The following ME2 variants were observed in gnomAD, a reference collection of about 807,000 sequenced individuals.
ME2 encodes the protein malic enzyme 2.
In ME2, 60 loss-of-function variants were observed where a neutral mutation model predicts 73.7. The ratio of observed to expected loss-of-function variants is 0.81; its 90% CI spans 0.66 to 1.01. ME2 has a LOEUF of 1.01. ME2 is among the 50% of genes least tolerant of loss of function. The pLI is 0.00. For synonymous variants in ME2, 199 were observed against 236.9 expected (o/e 0.84, Z 1.47); for missense variants, 594 against 705.5 (o/e 0.84, Z 1.79).
chr18:50,880,207 C>A (rs1220415920), intron 1 of ME2, among the ~76,000 whole-genome samples: 1 of 152,018 alleles, frequency 6.6e-6, no homozygotes, highest in South Asian at 2.1e-4. Context: ...TCAAAATAAC[C>A]CTTTGAGGTT....
At chr18:50,901,892 C>A (rs1916900929) in intron 2 of ME2, among the ~76,000 whole-genome samples, 1 of 152,174 alleles carries the variant, frequency 6.6e-6, no homozygotes, top group African/African-American at 2.4e-5. Flanking sequence ...CCTAGTAATT[C>A]TCAAGTAACT....
At position 50,940,391 on chromosome 18, in the gene ME2, GTAAT is replaced by G. The variant is rs1180905941; in HGVS notation, c.1587+6_1587+9del. 6.6e-7 allele frequency: 1 copy of G among 1,506,778 alleles called. No homozygotes were observed. 93.3% of individuals were successfully genotyped at this position (1,506,778 alleles called of 1,614,324 possible). Reference sequence around the variant, plus strand: ...TCTATTAACATTGCTATTAAAGTAAGTAATAACTTAAACTTCTTCACATTAATTT... The same window carrying G: ...TCTATTAACATTGCTATTAAAGTAAGAACTTAAACTTCTTCACATTAATTT... On this transcript the variant is annotated splice_donor_region_variant and intron_variant, in intron 15 of 15. Transcript: ENST00000321341.
chr18:50,929,939 T>C (rs796287474), intron 12 of ME2, among the ~76,000 whole-genome samples: 3 of 152,308 alleles, frequency 2.0e-5, no homozygotes, highest in African/African-American at 7.2e-5. Flanking sequence ...GTTTTTTGTA[T>C]AAATATTATT....
At chr18:50,927,898 T>C (rs1917598762) in intron 12 of ME2, among the ~76,000 whole-genome samples, 1 of 143,052 alleles carries the variant, frequency 7.0e-6, no homozygotes, top group Non-Finnish European at 1.5e-5. Context: ...CACTGCAGAC[T>C]CCAATTCCTG....
At chr18:50,930,796 T>C (rs955751400) in intron 12 of ME2, among the ~76,000 whole-genome samples, 1 of 152,226 alleles carries the variant, frequency 6.6e-6, no homozygotes, top group Non-Finnish European at 1.5e-5. Flanking sequence ...TGTATGACAT[T>C]AACCATGAAC....
chr18:50,884,284 C>T (rs1330071595), intron 1 of ME2, among the ~76,000 whole-genome samples: 1 of 152,030 alleles, frequency 6.6e-6, no homozygotes. Flanking sequence ...TTAATCATCA[C>T]AGTTTTCTAT....
At chr18:50,897,651 G>T (rs1462955361) in intron 2 of ME2, among the ~76,000 whole-genome samples, 1 of 151,286 alleles carries the variant, frequency 6.6e-6, no homozygotes, top group Non-Finnish European at 1.5e-5. Context: ...ACCTGAGGTT[G>T]GGAGTTCGAG....
intron 2 of ME2, among the ~76,000 whole-genome samples, chr18:50,897,043 G>T (rs1037081244): frequency 6.6e-6 from 1 of 152,172 alleles, no homozygotes; most frequent in African/African-American, 2.4e-5. Flanking sequence ...CCATGGACTG[G>T]AGTAATTACT....
At position 50,908,111 on chromosome 18, in the gene ME2, C is replaced by G; in HGVS notation, c.157C>G (p.Leu53Val). ...ACGACAAATGCTTGGTCTTCAAGGA[C>G]TTCTACCTCCCAAAATAGAGACACA... ...QERQMLGLQG[L>V]LPPKIETQDI... Residue 53 changes from leucine (L) to valine (V), a missense_variant, in exon 3 of 16, where the codon CTT becomes GTT. Transcript: ENST00000321341. 1.9e-6 allele frequency: 3 copies of G among 1,601,190 alleles called. No individual in the cohort carries two copies. Among genetic ancestry groups the G allele is most frequent in the Non-Finnish European group, 2.6e-6 (3 of 1,172,508 alleles).
chr18:50,896,940 C>A (rs955597786), intron 2 of ME2, among the ~76,000 whole-genome samples: 6 of 152,310 alleles, frequency 3.9e-5, no homozygotes, highest in African/African-American at 1.4e-4. Context: ...TTCTGATCTT[C>A]TCTTGTTTGT....
intron 12 of ME2, among the ~76,000 whole-genome samples, chr18:50,927,718 A>G (rs1483770075): frequency 1.1e-5 from 1 of 87,596 alleles, no homozygotes; most frequent in Non-Finnish European, 2.2e-5. Context: ...AACCCCAAAA[A>G]ACCATATATA....
chr18:50,927,751 T>TATATATATATATATATAC (rs1316314513), intron 12 of ME2, among the ~76,000 whole-genome samples: 11 of 123,284 alleles, frequency 8.9e-5, no homozygotes, highest in East Asian at 4.7e-4. Flanking sequence ...TATATATATA[T>TATATATATATATATATAC]ACACACCACA....
intron 3 of ME2, 102 bp from the exon 4 acceptor site, chr18:50,912,699 G>A: frequency 4.1e-6 from 4 of 972,248 alleles, no homozygotes; most frequent in Non-Finnish European, 5.6e-6. Context: ...GTGAGAATGG[G>A]GCTCAATTTC....
intron 11 of ME2, among the ~76,000 whole-genome samples, 193 bp from the exon 12 acceptor site, chr18:50,925,563 G>A (rs1917531770): frequency 6.6e-6 from 1 of 152,152 alleles, no homozygotes; most frequent in African/African-American, 2.4e-5. Flanking sequence ...AGAACTTTCA[G>A]CATCTTACTG....
chr18:50,907,475 T>C (rs1400561348), intron 2 of ME2, among the ~76,000 whole-genome samples: 1 of 152,260 alleles, frequency 6.6e-6, no homozygotes, highest in Non-Finnish European at 1.5e-5. Context: ...TCCAAAGGCC[T>C]TGCTCCAGCA....
rs188567897 is a variant in ME2, at chr18:50,911,463, C to T, written c.243-1338C>T. ...GATCATTTCTAACTTATGGTATTGT[C>T]TAGACTGGAGGAAGCCAGAAAGTCA... On this transcript the variant is annotated intron_variant, in intron 3 of 15. Coordinates refer to ENST00000321341, the MANE Select transcript of ME2 (RefSeq NM_002396.5). Among the ~76,000 whole-genome samples, 43 of 152,182 alleles carry T rather than the reference C, an allele frequency of 2.8e-4. 1 individual carries two copies. The highest frequency in any genetic ancestry group is 9.2e-4 in the African/African-American group (38 of 41,520).
chr18:50,898,680 G>A (rs1423370246), intron 2 of ME2, among the ~76,000 whole-genome samples: 1 of 152,100 alleles, frequency 6.6e-6, no homozygotes. Context: ...TGATCCGCCT[G>A]CCTTGGCCTC....
chr18:50,895,745 C>T, intron 1 of ME2, 64 bp from the exon 2 acceptor site: 1 of 983,574 alleles, frequency 1.0e-6, no homozygotes, highest in East Asian at 2.5e-5. Context: ...AAACTGATAC[C>T]CGATGGACAT....
rs1198779990 is a variant in ME2 at position 50,921,145 on chromosome 18, A to G, written c.1014A>G (p.Gln338=). ...ATGGCCTGTCAGAACAAGAGGCACA[A>G]AAGAAAATCTGGATGTTTGACAAGT... ...VENGLSEQEA[Q]KKIWMFDKYG... The change falls in exon 10 of 16, where the codon CAA becomes CAG. Residue 338 remains glutamine, a synonymous_variant. Transcript: ENST00000321341. 4.4e-6 allele frequency: 7 copies of G among 1,602,778 alleles called. No homozygotes were observed. Among genetic ancestry groups the G allele is most frequent in the South Asian group, 3.4e-5 (3 of 89,354 alleles).
Sources: gnomAD v4.1 joint callset for allele counts (sites outside exome capture counted in the v4.1 genomes callset) on GRCh38, gnomAD v4.1.1 for gene constraint, MANE v1.5 for transcripts, NCBI Gene and HGNC (gene_info 2026-07-23, HGNC 2026-07-21) for gene names.